The following FOXJ3 variants were observed in gnomAD, a reference collection of about 807,000 sequenced individuals.
The protein encoded by FOXJ3 is forkhead box J3.
Under a neutral mutation model 76.1 loss-of-function variants are expected in FOXJ3, and 22 were observed. The observed-to-expected ratio is 0.29, with a 90% CI of 0.21 to 0.41. The LOEUF is 0.41. FOXJ3 is among the 10% of genes least tolerant of loss of function. The pLI, the probability that FOXJ3 is intolerant of heterozygous loss-of-function variation, is 1.00. For missense variants in FOXJ3, 613 were observed against 762.1 expected, an observed-to-expected ratio of 0.80 and a Z score of 2.30; for synonymous variants, 269 against 261.2, an observed-to-expected ratio of 1.03 and a Z score of -0.29.
chr1:42,181,790 T>C (rs1472534261), intron 12 of FOXJ3, 127 bp downstream of exon 12: 2 of 595,108 alleles, frequency 3.4e-6, no homozygotes, highest in African/African-American at 1.9e-5. Context: ...TGCTTCTCAA[T>C]ATTAAACTCT....
In FOXJ3 at chr1:42,313,984, G is replaced by A. The variant is rs1040143031; in HGVS notation, c.-17-2874C>T. On this transcript the variant is annotated intron_variant, in intron 1 of 12. Transcript: ENST00000361346. Reference sequence around the variant, plus strand: ...CTCCTGGAAATCCCAAATTTACCATGTTTAAAACTGAATTCATCATCTTCT... The same window carrying A: ...CTCCTGGAAATCCCAAATTTACCATATTTAAAACTGAATTCATCATCTTCT... Among the ~76,000 whole-genome samples, 3 of 152,254 alleles carry A rather than the reference G, an allele frequency of 2.0e-5. No homozygotes were observed. The East Asian group carries it at 5.8e-4, about 29-fold the overall frequency.
chr1:42,288,941 CCA>C (rs1231031073), intron 2 of FOXJ3, among the ~76,000 whole-genome samples: 1 of 152,092 alleles, frequency 6.6e-6, no homozygotes, highest in Non-Finnish European at 1.5e-5. Context: ...TTTTAAAGAT[CCA>C]CAATGTAGAA....
At position 42,297,653 on chromosome 1, in the gene FOXJ3, G is replaced by C. The variant is rs941049649; in HGVS notation, c.44+13397C>G. ...TTATTATCTTTTTGATGTGCTGTCG[G>C]ATTCAGCATTTGTTGAGGATTTTTG... On this transcript the variant is annotated intron_variant, in intron 2 of 12. Transcript: ENST00000361346. Among the ~76,000 whole-genome samples, 3 of 152,262 alleles carry C rather than the reference G, an allele frequency of 2.0e-5. No individual in the cohort carries two copies. The South Asian group carries it at 6.2e-4, about 32-fold the overall frequency.
At chr1:42,224,511 G>A (rs1332851674) in intron 5 of FOXJ3, among the ~76,000 whole-genome samples, 2 of 152,032 alleles carry the variant, frequency 1.3e-5, no homozygotes, top group East Asian at 3.9e-4. Context: ...AAATTAGTTG[G>A]GCGTGGTGGT....
chr1:42,298,246 C>T (rs1653911453), intron 2 of FOXJ3, among the ~76,000 whole-genome samples: 2 of 152,292 alleles, frequency 1.3e-5, no homozygotes, highest in East Asian at 1.9e-4. Context: ...GTCAACTAAA[C>T]CTCTTTCCTT....
intron 2 of FOXJ3, among the ~76,000 whole-genome samples, chr1:42,284,793 C>T (rs1435137391): frequency 6.6e-6 from 1 of 152,178 alleles, no homozygotes; most frequent in Admixed American, 6.5e-5. Context: ...TTTCCACTAA[C>T]TTGTGACTGA....
chr1:42,203,636 T>C (rs898465287), intron 6 of FOXJ3, among the ~76,000 whole-genome samples: 20 of 152,280 alleles, frequency 1.3e-4, no homozygotes, highest in Admixed American at 2.6e-4. Flanking sequence ...GTGAAAAACT[T>C]TGTGTCTGAG....
chr1:42,313,806 T>C (rs917371395), intron 1 of FOXJ3, among the ~76,000 whole-genome samples: 23 of 152,192 alleles, frequency 1.5e-4, no homozygotes, highest in Middle Eastern at 3.4e-3. Flanking sequence ...TTTCTTTATT[T>C]AAAAGAAAAA....
intron 2 of FOXJ3, chr1:42,280,438 TAAAA>T (rs71065112): frequency 3.1e-4 from 24 of 77,562 alleles, no homozygotes; most frequent in Non-Finnish European, 3.8e-4. Context: ...TCAGAGATCT[TAAAA>T]AAAAAAAAAA....
Position 42,177,822 on chromosome 1 carries a change from T to C in FOXJ3, c.*1888A>G, listed in dbSNP as rs1297588307. On this transcript the variant is annotated 3_prime_UTR_variant, in exon 13 of 13. Coordinates refer to ENST00000361346, the MANE Select transcript of FOXJ3 (RefSeq NM_014947.5). The stretch of plus-strand genomic sequence containing the variant: ...CACACACACACAGAAACAAAAGATG[T>C]TTGTTTAGTTCAAGTAGAGATTACT... 2.6e-5 allele frequency: 4 copies of C among 152,312 alleles called. No individual in the cohort carries two copies. The highest frequency in any genetic ancestry group is 2.6e-4 in the Admixed American group (4 of 15,236). The allele number at this position is 152,312 out of a possible 1,614,324, so 9.4% of individuals were successfully genotyped here. A position where few individuals can be genotyped will look rare whatever the true frequency, so the allele number is the denominator to read the frequency against.
At chr1:42,272,795 T>C (rs1651956269) in intron 3 of FOXJ3, among the ~76,000 whole-genome samples, 3 of 152,240 alleles carry the variant, frequency 2.0e-5, no homozygotes, top group African/African-American at 7.2e-5. Context: ...GAACTTTATA[T>C]GCTATTCCTT....
At position 42,195,179 on chromosome 1, in the gene FOXJ3, C is replaced by A; in HGVS notation, c.760-115G>T. 2 of 763,096 alleles carry A rather than the reference C, an allele frequency of 2.6e-6. 1 individual carries two copies. Among genetic ancestry groups the A allele is most frequent in the South Asian group, 4.8e-5 (2 of 41,602 alleles). The allele number at this position is 763,096 out of a possible 1,614,324, so 47.3% of individuals were successfully genotyped here. A position where few individuals can be genotyped will look rare whatever the true frequency, so the allele number is the denominator to read the frequency against. On this transcript the variant is annotated intron_variant, in intron 7 of 12. Transcript: ENST00000361346. The stretch of plus-strand genomic sequence containing the variant: ...ACATTGGAATTCAAAGAAAATAACT[C>A]TTCTGTCTTAGGCTTTCCCATCCTC...
intron 6 of FOXJ3, among the ~76,000 whole-genome samples, chr1:42,205,538 A>G (rs1411816227): frequency 6.6e-6 from 1 of 152,204 alleles, no homozygotes; most frequent in Admixed American, 6.5e-5. Flanking sequence ...AAACAAGTAT[A>G]GAACTTCTCG....
Position 42,191,355 on chromosome 1 carries a change from C to G in FOXJ3, c.1299G>C (p.Gln433His), listed in dbSNP as rs369926354. Residue 433 changes from glutamine (Q) to histidine (H), a missense_variant, in exon 9 of 13, where the codon CAG (glutamine) becomes CAC (histidine). Gln to His is a conservative substitution (Grantham distance 24, BLOSUM62 0). This residue lies in a region of FOXJ3 where 526 missense variants were observed against 601.4 expected (regional missense o/e 0.87). Transcript: ENST00000361346. ...HIQHHPNHQH[Q>H]TLTHQAPPPP... Reference sequence around the variant, plus strand: ...GTGGGGGTGCCTGATGTGTTAACGTCTGATGCTGATGGTTCGGATGGTGCT... The same window carrying G: ...GTGGGGGTGCCTGATGTGTTAACGTGTGATGCTGATGGTTCGGATGGTGCT... 8.2e-6 allele frequency: 13 copies of G among 1,580,538 alleles called. No individual in the cohort carries two copies. Among genetic ancestry groups the G allele is most frequent in the Middle Eastern group, 1.7e-4 (1 of 5,912 alleles).
chr1:42,236,904 T>C (rs982178332), intron 4 of FOXJ3, among the ~76,000 whole-genome samples: 1 of 152,236 alleles, frequency 6.6e-6, no homozygotes, highest in African/African-American at 2.4e-5. Context: ...CTAACAAAGA[T>C]GCTGTACATC....
At chr1:42,294,556 C>T (rs1219164907) in intron 2 of FOXJ3, among the ~76,000 whole-genome samples, 1 of 151,980 alleles carries the variant, frequency 6.6e-6, no homozygotes, top group Non-Finnish European at 1.5e-5. Context: ...ATCAGGAGTT[C>T]GAGACCAGCC....
At chr1:42,200,089 T>C (rs1007659932) in intron 6 of FOXJ3, among the ~76,000 whole-genome samples, 9 of 151,026 alleles carry the variant, frequency 6.0e-5, no homozygotes, top group Admixed American at 6.6e-5. Context: ...TTTGACCTCA[T>C]GGACTCTCTA....
rs371749437 is a variant in FOXJ3, at chr1:42,307,207, G to C, written c.44+3843C>G. On this transcript the variant is annotated intron_variant, in intron 2 of 12. Coordinates refer to ENST00000361346, the MANE Select transcript of FOXJ3 (RefSeq NM_014947.5). ...GCAACAAGTGAATCCAGCTTGCAGTGTTTCCAACACTTGCAGAACTAGCTT... is the reference window on the plus strand; with the variant it reads ...GCAACAAGTGAATCCAGCTTGCAGTCTTTCCAACACTTGCAGAACTAGCTT... Among the ~76,000 whole-genome samples the C allele has an allele frequency of 3.3e-4, 50 of 152,216 alleles. 1 individual carries two copies. Among genetic ancestry groups the C allele is most frequent in the African/African-American group, 1.2e-3 (49 of 41,474 alleles).
At chr1:42,306,453 C>T (rs1654480081) in intron 2 of FOXJ3, among the ~76,000 whole-genome samples, 1 of 152,004 alleles carries the variant, frequency 6.6e-6, no homozygotes, top group South Asian at 2.1e-4. Flanking sequence ...CAGGCGAGTG[C>T]CACCACACCT....
Sources: allele counts gnomAD v4.1 joint callset (sites outside exome capture counted in the v4.1 genomes callset), GRCh38; gene constraint gnomAD v4.1.1; regional missense constraint gnomAD v4.1.1; transcripts MANE v1.5; gene names NCBI Gene and HGNC (gene_info 2026-07-23, HGNC 2026-07-21).